The following GTF2I variants were observed in gnomAD, a reference collection of about 807,000 sequenced individuals.
GTF2I encodes the protein general transcription factor IIi.
Under a neutral mutation model 67.6 loss-of-function variants are expected in GTF2I, and 12 were observed. That is an observed-to-expected ratio of 0.18 (90% CI 0.11 to 0.29). GTF2I has a LOEUF of 0.29. GTF2I is among the 10% of genes least tolerant of loss of function. The pLI is 1.00. For missense variants in GTF2I, 271 were observed against 580.1 expected, an observed-to-expected ratio of 0.47 and a Z score of 5.47; for synonymous variants, 149 against 197.0, an observed-to-expected ratio of 0.76 and a Z score of 2.04.
chr7:74,682,453 T>A (rs1278752755), intron 1 of GTF2I, among the ~76,000 whole-genome samples: 1 of 152,158 alleles, frequency 6.6e-6, no homozygotes, highest in East Asian at 1.9e-4. Flanking sequence ...ACCTTGAGTT[T>A]TAAAAGCTTT....
At chr7:74,727,831 T>C (rs1217245337) in intron 12 of GTF2I, 2 of 152,196 alleles carry the variant, frequency 1.3e-5, no homozygotes, top group Non-Finnish European at 2.9e-5. Context: ...GAGTTCCTGG[T>C]GTATCCACAA....
At chr7:74,727,784 T>C (rs1251937095) in intron 12 of GTF2I, 2 of 152,168 alleles carry the variant, frequency 1.3e-5, no homozygotes, top group Non-Finnish European at 2.9e-5. Context: ...ATGTCTCTAA[T>C]CCTAACATGA....
At chr7:74,671,445 A>T (rs1805445769) in intron 1 of GTF2I, among the ~76,000 whole-genome samples, 1 of 150,382 alleles carries the variant, frequency 6.6e-6, no homozygotes, top group Admixed American at 6.6e-5. Context: ...AAAAAAGTTA[A>T]ATTTAGCTAT....
rs1394217630 is a variant in GTF2I at position 74,666,194 on chromosome 7, G to A, written c.-6+8126G>A. 2.6e-5 allele frequency among the ~76,000 whole-genome samples: 4 copies of A among 152,214 alleles called. 1 individual carries two copies. In the East Asian group the frequency reaches 7.7e-4, roughly 29 times the overall value. ...CCTGAGAATGTATGCTTTATATGTTGTTCATTTTAATTTGTTATATCTAGA... is the reference window on the plus strand; with the variant it reads ...CCTGAGAATGTATGCTTTATATGTTATTCATTTTAATTTGTTATATCTAGA... On this transcript the variant is annotated intron_variant, in intron 1 of 34. Transcript: ENST00000573035.
Position 74,706,395 on chromosome 7 carries a change from G to A in GTF2I, c.647G>A (p.Gly216Asp). 6.2e-7 allele frequency: 1 copy of A among 1,613,542 alleles called. No individual in the cohort carries two copies. Among genetic ancestry groups the A allele is most frequent in the Non-Finnish European group, 8.5e-7 (1 of 1,179,566 alleles). ...RSILSPGGSC[G>D]PIKVKTEPTE... ...GGGCTTTCTTCTCCTTGCAGTTGTG[G>A]CCCCATCAAAGTGAAAACTGAACCC... is the stretch of plus-strand genomic sequence containing the variant. The change falls in exon 8 of 35, where the codon GGC (glycine) becomes GAC (aspartate). Residue 216 changes from glycine (G) to aspartate (D), a missense_variant. By Grantham distance (94) the Gly-to-Asp change is moderately conservative. This residue lies in a region of GTF2I where 124 missense variants were observed against 147.0 expected (regional missense o/e 0.84). Coordinates refer to ENST00000573035, the MANE Select transcript of GTF2I (RefSeq NM_032999.4).
At chr7:74,723,359 C>T (rs1554405000) in intron 12 of GTF2I, among the ~76,000 whole-genome samples, 1 of 151,224 alleles carries the variant, frequency 6.6e-6, no homozygotes, top group Non-Finnish European at 1.5e-5. Flanking sequence ...GAACTCCTGA[C>T]CTCGTGATCC....
chr7:74,669,809 G>A (rs1805303291), intron 1 of GTF2I, among the ~76,000 whole-genome samples: 1 of 152,162 alleles, frequency 6.6e-6, no homozygotes, highest in Non-Finnish European at 1.5e-5. Flanking sequence ...GGGATTACAG[G>A]TGTGAGCCAC....
At chr7:74,726,623 C>T (rs1443027521) in intron 12 of GTF2I, 1 of 152,262 alleles carries the variant, frequency 6.6e-6, no homozygotes, top group Non-Finnish European at 1.5e-5. Flanking sequence ...GCAGAAGGAT[C>T]ACTTGAGGCC....
At chr7:74,680,099 A>AAAATATAT in intron 1 of GTF2I, among the ~76,000 whole-genome samples, 3 of 95,002 alleles carry the variant, frequency 3.2e-5, no homozygotes, top group African/African-American at 1.2e-4. Flanking sequence ...AAAAAAAAAA[A>AAAATATAT]ATATATATAT....
chr7:74,700,994 G>A (rs1224215023), intron 6 of GTF2I, among the ~76,000 whole-genome samples: 1 of 152,194 alleles, frequency 6.6e-6, no homozygotes, highest in Non-Finnish European at 1.5e-5. Context: ...CCACTTTTGA[G>A]AGCTGTGAGT....
intron 1 of GTF2I, among the ~76,000 whole-genome samples, chr7:74,685,414 T>G (rs1257758289): frequency 6.6e-6 from 1 of 152,032 alleles, no homozygotes; most frequent in African/African-American, 2.4e-5. Context: ...GGAGAATCGC[T>G]TGAACCCGGG....
At chr7:74,720,584 G>GA (rs1189342693) in intron 12 of GTF2I, among the ~76,000 whole-genome samples, 2 of 152,002 alleles carry the variant, frequency 1.3e-5, no homozygotes, top group African/African-American at 4.8e-5. Context: ...TCATTAACAG[G>GA]AAAAAAACTT....
intron 12 of GTF2I, among the ~76,000 whole-genome samples, chr7:74,720,863 T>C: frequency 6.6e-6 from 1 of 151,194 alleles, no homozygotes; most frequent in African/African-American, 2.4e-5. Flanking sequence ...CTGTAGAGGC[T>C]GTATTAAAAT....
At chr7:74,711,503 T>C (rs782206571) in intron 9 of GTF2I, among the ~76,000 whole-genome samples, 40 of 152,212 alleles carry the variant, frequency 2.6e-4, no homozygotes, top group Non-Finnish European at 5.7e-4. Context: ...AGCTTTGCCA[T>C]CTACATATCT....
intron 6 of GTF2I, among the ~76,000 whole-genome samples, chr7:74,703,648 G>A (rs1790149093): frequency 1.3e-5 from 2 of 152,188 alleles, no homozygotes; most frequent in African/African-American, 4.8e-5. Flanking sequence ...CCAGAGTGCT[G>A]GGATTATAGG....
intron 12 of GTF2I, among the ~76,000 whole-genome samples, chr7:74,720,818 C>T (rs1792879302): frequency 6.7e-6 from 1 of 149,230 alleles, no homozygotes; most frequent in African/African-American, 2.5e-5. Flanking sequence ...TCTCGGCTCA[C>T]TGCAAGCTCT....
At chr7:74,727,065 A>G (rs887332405) in intron 12 of GTF2I, 13 of 152,194 alleles carry the variant, frequency 8.5e-5, no homozygotes, top group African/African-American at 2.9e-4. Flanking sequence ...AGTTGTTACT[A>G]TGATTATGTT....
At chr7:74,714,459 A>G (rs1422974841) in intron 9 of GTF2I, among the ~76,000 whole-genome samples, 1 of 152,264 alleles carries the variant, frequency 6.6e-6, no homozygotes, top group South Asian at 2.1e-4. Flanking sequence ...GAGTAAGCAA[A>G]TATTTGCCAA....
At chr7:74,665,131 G>A (rs1034513920) in intron 1 of GTF2I, among the ~76,000 whole-genome samples, 3 of 150,378 alleles carry the variant, frequency 2.0e-5, no homozygotes, top group Non-Finnish European at 4.4e-5. Flanking sequence ...TAGTAGAGAC[G>A]GGGTTTCTCC....
Sources: allele counts gnomAD v4.1 joint callset (sites outside exome capture counted in the v4.1 genomes callset), GRCh38; gene constraint gnomAD v4.1.1; regional missense constraint gnomAD v4.1.1; transcripts MANE v1.5; gene names NCBI Gene and HGNC (gene_info 2026-07-23, HGNC 2026-07-21).